Variants in R3HDM1 observed in about 807,000 individuals in gnomAD.
The protein encoded by R3HDM1 is R3H domain containing 1, also known as R3H domain-containing protein 1.
R3HDM1 carries 46 observed loss-of-function variants against 141.1 expected under a neutral mutation model. The observed-to-expected ratio is 0.33, with a 90% CI of 0.26 to 0.42. R3HDM1 has a LOEUF of 0.42. R3HDM1 is among the 10% of genes least tolerant of loss of function. R3HDM1 has a pLI of 1.00. For missense variants in R3HDM1, 1,184 were observed against 1,368.3 expected, an observed-to-expected ratio of 0.87 and a Z score of 2.12; for synonymous variants, 435 against 472.9, an observed-to-expected ratio of 0.92 and a Z score of 1.04.
At chr2:135,598,393 A>G in intron 1 of R3HDM1, among the ~76,000 whole-genome samples, 1 of 152,216 alleles carries the variant, frequency 6.6e-6, no homozygotes, top group East Asian at 1.9e-4. Flanking sequence ...GCTCCTCTTC[A>G]TGTGAAAAGA....
At chr2:135,542,119 A>C (rs906390618) in intron 1 of R3HDM1, among the ~76,000 whole-genome samples, 6 of 152,038 alleles carry the variant, frequency 3.9e-5, no homozygotes, top group African/African-American at 1.4e-4. Flanking sequence ...TTTGACTGCA[A>C]CTCATCATGT....
At chr2:135,679,651 A>C (rs1182235519) in intron 20 of R3HDM1, among the ~76,000 whole-genome samples, 2 of 152,234 alleles carry the variant, frequency 1.3e-5, no homozygotes, top group African/African-American at 4.8e-5. Flanking sequence ...AATTTAATGC[A>C]TCAGCCTACA....
At chr2:135,549,597 G>GT (rs1699461151) in intron 1 of R3HDM1, among the ~76,000 whole-genome samples, 1 of 151,272 alleles carries the variant, frequency 6.6e-6, no homozygotes, top group African/African-American at 2.4e-5. Flanking sequence ...ACAAAATGGG[G>GT]TCTTGCTATA....
chr2:135,678,879 C>T (rs1041241042), intron 20 of R3HDM1, among the ~76,000 whole-genome samples: 1 of 150,800 alleles, frequency 6.6e-6, no homozygotes, highest in Non-Finnish European at 1.5e-5. Flanking sequence ...TGTGCCTCAG[C>T]CTCCTGAGTA....
intron 1 of R3HDM1, chr2:135,581,309 G>T (rs1706747971): frequency 8.1e-6 from 8 of 985,262 alleles, no homozygotes; most frequent in Admixed American, 6.1e-5. Context: ...GAACTCTCAT[G>T]CGTCCTTCCT....
At chr2:135,630,957 A>C (rs1397756388) in intron 7 of R3HDM1, among the ~76,000 whole-genome samples, 1 of 152,178 alleles carries the variant, frequency 6.6e-6, no homozygotes. Context: ...TAGTGATCTA[A>C]AGGAGCACAT....
intron 1 of R3HDM1, chr2:135,583,789 G>A (rs1013798165): frequency 8.1e-6 from 8 of 985,284 alleles, no homozygotes; most frequent in Middle Eastern, 5.2e-4. Flanking sequence ...CAAGAGCTAA[G>A]CCACCAGAAA....
Position 135,564,178 on chromosome 2 carries a change from C to CTGTA in R3HDM1, c.-250+32547_-250+32550dup, listed in dbSNP as rs763994389. Among the ~76,000 whole-genome samples, 27 of 152,296 alleles carry CTGTA rather than the reference C, an allele frequency of 1.8e-4. No homozygotes were observed. In the East Asian group the frequency reaches 2.5e-3, roughly 14 times the overall value. ...TGAGACAAACATCCAAACTATATTA[C>CTGTA]TGTATATTTTGTACCTCTACCTAGA... is the stretch of plus-strand genomic sequence containing the variant. On this transcript the variant is annotated intron_variant, in intron 1 of 26. Coordinates refer to ENST00000683871, the MANE Select transcript of R3HDM1 (RefSeq NM_001378107.1).
chr2:135,679,702 CATAGAA>C (rs1426589171), intron 20 of R3HDM1, among the ~76,000 whole-genome samples: 1 of 152,218 alleles, frequency 6.6e-6, no homozygotes, highest in African/African-American at 2.4e-5. Flanking sequence ...CAATAGCTGA[CATAGAA>C]ATAAAGTGGT....
At chr2:135,702,848 C>T (rs1346850973) in intron 21 of R3HDM1, among the ~76,000 whole-genome samples, 1 of 152,000 alleles carries the variant, frequency 6.6e-6, no homozygotes, top group Non-Finnish European at 1.5e-5. Flanking sequence ...AGATCTCAGT[C>T]TAGGAACAGA....
rs867318183 is a variant in R3HDM1, at chr2:135,565,362, A to T, written c.-250+33729A>T. Among the ~76,000 whole-genome samples the T allele has an allele frequency of 2.7e-4, 38 of 140,864 alleles. 1 individual carries two copies. Among genetic ancestry groups the T allele is most frequent in the African/African-American group, 5.0e-4 (18 of 36,258 alleles). The allele number at this position is 140,864 out of a possible 152,430, so 92.4% of individuals were successfully genotyped here. A position where few individuals can be genotyped will look rare whatever the true frequency, so the allele number is the denominator to read the frequency against. On this transcript the variant is annotated intron_variant, in intron 1 of 26. Coordinates refer to ENST00000683871, the MANE Select transcript of R3HDM1 (RefSeq NM_001378107.1). ...TATTATTATTATTATTATTATTATTATTTTTAAATTTAAGAGACAAGATCT... is the reference window on the plus strand; with the variant it reads ...TATTATTATTATTATTATTATTATTTTTTTTAAATTTAAGAGACAAGATCT...
At chr2:135,549,576 A>AAAAAAC (rs1559102994) in intron 1 of R3HDM1, among the ~76,000 whole-genome samples, 6 of 147,938 alleles carry the variant, frequency 4.1e-5, no homozygotes, top group African/African-American at 1.3e-4. Context: ...AAAAAAAAAA[A>AAAAAAC]AAAAACAAAA....
intron 26 of R3HDM1, among the ~76,000 whole-genome samples, chr2:135,722,784 G>GCCATCTCTGATTTAGGGTTCTT (rs2076820258): frequency 6.6e-6 from 1 of 152,136 alleles, no homozygotes; most frequent in South Asian, 2.1e-4. Context: ...AGGGGCCACA[G>GCCATCTCTGATTTAGGGTTCTT]GGAAATGTGT....
chr2:135,626,338 G>A (rs1315379751), intron 7 of R3HDM1, among the ~76,000 whole-genome samples: 1 of 152,142 alleles, frequency 6.6e-6, no homozygotes, highest in Non-Finnish European at 1.5e-5. Context: ...GGGAAAACAT[G>A]ATTAAAGAGG....
intron 21 of R3HDM1, among the ~76,000 whole-genome samples, chr2:135,696,788 G>A (rs1321219841): frequency 6.6e-6 from 1 of 152,118 alleles, no homozygotes; most frequent in East Asian, 1.9e-4. Context: ...ACCTTGCCTA[G>A]CCTTCTTTTC....
At chr2:135,585,140 G>T (rs1426950653) in intron 1 of R3HDM1, among the ~76,000 whole-genome samples, 3 of 152,216 alleles carry the variant, frequency 2.0e-5, no homozygotes, top group Non-Finnish European at 4.4e-5. Context: ...AAGTCTCAGT[G>T]TTGTTAGCTG....
intron 17 of R3HDM1, 42 bp downstream of exon 17, chr2:135,650,045 G>A: frequency 1.7e-6 from 2 of 1,180,390 alleles, no homozygotes; most frequent in Non-Finnish European, 2.2e-6. Flanking sequence ...TTCTGTGGGT[G>A]GATGTGTGAT....
intron 24 of R3HDM1, among the ~76,000 whole-genome samples, chr2:135,718,221 G>T (rs1053759903): frequency 5.3e-5 from 8 of 152,296 alleles, no homozygotes; most frequent in African/African-American, 1.9e-4. Flanking sequence ...AACTCTTCCA[G>T]GGATGGAAAT....
At chr2:135,609,750 G>A (rs1274811401) in intron 3 of R3HDM1, among the ~76,000 whole-genome samples, 1 of 152,014 alleles carries the variant, frequency 6.6e-6, no homozygotes, top group Admixed American at 6.6e-5. Context: ...ATTACAATTA[G>A]TCTAAATTAG....
Sources: allele counts gnomAD v4.1 joint callset (sites outside exome capture counted in the v4.1 genomes callset), GRCh38; gene constraint gnomAD v4.1.1; transcripts MANE v1.5; gene names NCBI Gene and HGNC (gene_info 2026-07-23, HGNC 2026-07-21).